The following NF1 variants were observed in gnomAD, a reference collection of about 807,000 sequenced individuals.
NF1 encodes the protein neurofibromin.
Under a neutral mutation model 325.7 loss-of-function variants are expected in NF1, and 122 were observed. The observed-to-expected ratio is 0.37, with a 90% CI of 0.32 to 0.44. The LOEUF is 0.44. Ranked by LOEUF, NF1 falls within the 20% of genes least tolerant of loss-of-function variation. The pLI, the probability that NF1 is intolerant of heterozygous loss-of-function variation, is 1.00. For synonymous variants in NF1, 1,091 were observed against 1,186.0 expected, an observed-to-expected ratio of 0.92 and a Z score of 1.65; for missense variants, 2,140 against 3,415.4, an observed-to-expected ratio of 0.63 and a Z score of 9.31.
intron 29 of NF1, among the ~76,000 whole-genome samples, chr17:31,243,047 G>C (rs907220066): frequency 8.5e-5 from 13 of 152,300 alleles, no homozygotes; most frequent in African/African-American, 3.1e-4. Context: ...TGTGGCTCTT[G>C]TACACTCATA....
Position 31,232,967 on chromosome 17 carries a change from A to C in NF1, c.3497-35A>C, listed in dbSNP as rs761407873. 8.7e-6 allele frequency: 14 copies of C among 1,613,524 alleles called. 1 individual carries two copies. The South Asian group carries it at 1.4e-4, about 16-fold the overall frequency. ...AAGCAAAAATTACTTCAGCAAGGCC[A>C]TGTTAGTAAATTTGCATCTGTTTGT... is the stretch of plus-strand genomic sequence containing the variant. On this transcript the variant is annotated intron_variant, in intron 26 of 57. Transcript: ENST00000358273.
At chr17:31,100,729 CCAG>C (rs1472365444) in intron 1 of NF1, among the ~76,000 whole-genome samples, 4 of 152,192 alleles carry the variant, frequency 2.6e-5, no homozygotes, top group Middle Eastern at 3.4e-3. Context: ...GCCACCACGC[CCAG>C]CTAATTTTGT....
chr17:31,275,916 G>T (rs1359739939), intron 36 of NF1, among the ~76,000 whole-genome samples: 1 of 151,856 alleles, frequency 6.6e-6, no homozygotes, highest in Non-Finnish European at 1.5e-5. Flanking sequence ...TAGGACACAG[G>T]GCCAGTTATA....
chr17:31,319,661 G>T (rs1331683480), intron 36 of NF1, among the ~76,000 whole-genome samples: 1 of 150,706 alleles, frequency 6.6e-6, no homozygotes, highest in East Asian at 1.9e-4. Flanking sequence ...CAATTTTACT[G>T]TGGTGGTTGT....
At chr17:31,276,608 A>G (rs1297107808) in intron 36 of NF1, among the ~76,000 whole-genome samples, 1 of 152,206 alleles carries the variant, frequency 6.6e-6, no homozygotes, top group Non-Finnish European at 1.5e-5. Flanking sequence ...TCTTTGTTTC[A>G]CTTAGTGTGG....
chr17:31,241,130 G>A (rs546321013), intron 29 of NF1, among the ~76,000 whole-genome samples: 33 of 152,174 alleles, frequency 2.2e-4, no homozygotes, highest in African/African-American at 7.0e-4. Flanking sequence ...CACCCGCCTC[G>A]GTCTCCCAAA....
intron 29 of NF1, among the ~76,000 whole-genome samples, chr17:31,238,796 A>G (rs1011414479): frequency 6.6e-6 from 1 of 152,096 alleles, no homozygotes; most frequent in African/African-American, 2.4e-5. Flanking sequence ...CAATAAAACA[A>G]TGGAGATATA....
chr17:31,272,989 A>C (rs1331909677), intron 36 of NF1, among the ~76,000 whole-genome samples: 1 of 152,168 alleles, frequency 6.6e-6, no homozygotes, highest in East Asian at 1.9e-4. Flanking sequence ...CAATCCCAAG[A>C]CTGAAAAAGA....
chr17:31,104,269 C>T (rs527705695), intron 1 of NF1, among the ~76,000 whole-genome samples: 1 of 152,202 alleles, frequency 6.6e-6, no homozygotes, highest in South Asian at 2.1e-4. Context: ...ATTCTAACGA[C>T]ATACTTTTAA....
intron 48 of NF1, 122 bp from the exon 49 acceptor site, chr17:31,348,998 A>C: frequency 8.0e-7 from 1 of 1,253,974 alleles, no homozygotes; most frequent in South Asian, 1.4e-5. Context: ...CTATTCTTGG[A>C]AAGTAGGAGT....
At chr17:31,309,942 A>C (rs2068823933) in intron 36 of NF1, among the ~76,000 whole-genome samples, 1 of 152,202 alleles carries the variant, frequency 6.6e-6, no homozygotes, top group Non-Finnish European at 1.5e-5. Flanking sequence ...GATCTGCCAC[A>C]TCAGAGTACT....
chr17:31,200,887 G>T (rs1305561220), intron 9 of NF1, 150 bp from the exon 10 acceptor site: 12 of 1,107,464 alleles, frequency 1.1e-5, no homozygotes, highest in Middle Eastern at 5.9e-4. Context: ...GTATCAGACT[G>T]ATGAACCACA....
At chr17:31,096,243 A>G (rs1332633641) in intron 1 of NF1, among the ~76,000 whole-genome samples, 1 of 151,180 alleles carries the variant, frequency 6.6e-6, no homozygotes, top group East Asian at 2.0e-4. Flanking sequence ...ACTGCTTCAG[A>G]GCCACCGACA....
intron 1 of NF1, chr17:31,138,260 C>A (rs1468547485): frequency 1.3e-5 from 2 of 149,684 alleles, no homozygotes; most frequent in African/African-American, 2.5e-5. Context: ...TTAATGTTTT[C>A]TTTCTTTCTT....
At chr17:31,228,662 C>T (rs2067057998) in intron 20 of NF1, among the ~76,000 whole-genome samples, 1 of 152,102 alleles carries the variant, frequency 6.6e-6, no homozygotes, top group South Asian at 2.1e-4. Flanking sequence ...CCTAGGCAAC[C>T]ATGAATCTAC....
intron 1 of NF1, among the ~76,000 whole-genome samples, chr17:31,105,198 C>G (rs1265457768): frequency 3.3e-5 from 5 of 152,108 alleles, no homozygotes; most frequent in African/African-American, 9.7e-5. Flanking sequence ...TGTGCTGGGT[C>G]CTGAGTGGCT....
chr17:31,184,421 G>A (rs958036137), intron 8 of NF1, among the ~76,000 whole-genome samples: 31 of 151,830 alleles, frequency 2.0e-4, no homozygotes, highest in African/African-American at 7.0e-4. Context: ...AGGCCGAGGC[G>A]GGCGGATCAC....
intron 1 of NF1, among the ~76,000 whole-genome samples, chr17:31,150,889 C>T (rs1042404320): frequency 1.3e-5 from 2 of 151,956 alleles, no homozygotes; most frequent in Admixed American, 6.6e-5. Context: ...AAAAAATTAG[C>T]CAGGCAATGG....
Position 31,335,290 on chromosome 17 carries a change from A to ATATATGTATATATATATATATATATG in NF1, c.6006+264_6006+265insGTATATATATATATATATATGTATAT, listed in dbSNP as rs1555534474. ...AAGGCATAATTATATATATATATATATATATAATTATGCCTTGAAGGAGAC... is the reference window on the plus strand; with the variant it reads ...AAGGCATAATTATATATATATATATATATATGTATATATATATATATATATGTATATAATTATGCCTTGAAGGAGAC... On this transcript the variant is annotated intron_variant, in intron 40 of 57. Transcript: ENST00000358273. 3.2e-4 allele frequency among the ~76,000 whole-genome samples: 23 copies of ATATATGTATATATATATATATATATG among 71,638 alleles called. 5 individuals are homozygous for ATATATGTATATATATATATATATATG. The highest frequency in any genetic ancestry group is 5.8e-4 in the Non-Finnish European group (18 of 30,788). 47.0% of individuals were successfully genotyped at this position (71,638 alleles called of 152,430 possible).
Sources: gnomAD v4.1 joint callset for allele counts (sites outside exome capture counted in the v4.1 genomes callset) on GRCh38, gnomAD v4.1.1 for gene constraint, MANE v1.5 for transcripts, NCBI Gene and HGNC (gene_info 2026-07-23, HGNC 2026-07-21) for gene names.